CNTN4: variants seen among roughly 807,000 people sequenced by gnomAD.
CNTN4 encodes contactin-4.
Under a neutral mutation model 122.5 loss-of-function variants are expected in CNTN4, and 77 were observed. The observed-to-expected ratio is 0.63, with a 90% confidence interval of 0.52 to 0.76. CNTN4 has a LOEUF of 0.76. Among genes scored for constraint, CNTN4 ranks in the 30% least tolerant of loss-of-function variants. The pLI is 0.00. For missense variants in CNTN4, 1,256 were observed against 1,259.1 expected (o/e 1.00, Z 0.04); for synonymous variants, 512 against 447.0 (o/e 1.15, Z -1.83).
chr3:2,779,249 G>T (rs1400196), intron 6 of CNTN4, among the ~76,000 whole-genome samples: 6 of 64,600 alleles, frequency 9.3e-5, no homozygotes, highest in East Asian at 5.1e-4. Context: ...TGTTTGTTTT[G>T]TTTGTTTGTT....
rs143114738 is a variant in CNTN4 at position 2,294,523 on chromosome 3, C to T, written c.-144-44655C>T. On this transcript the variant is annotated intron_variant, in intron 2 of 24. Coordinates refer to ENST00000418658, the MANE Select transcript of CNTN4 (RefSeq NM_175607.3). ...GCAGACACCTGTAATCCAAGCTACT[C>T]GACAGGCTGAGATGGGAGGATCGCT... Among the ~76,000 whole-genome samples the T allele has an allele frequency of 6.0e-4, 92 of 152,068 alleles. 1 individual carries two copies. In the South Asian group the frequency reaches 6.4e-3, roughly 11 times the overall value.
intron 3 of CNTN4, among the ~76,000 whole-genome samples, chr3:2,465,409 G>A (rs748733510): frequency 2.0e-5 from 3 of 152,128 alleles, no homozygotes; most frequent in Non-Finnish European, 4.4e-5. Context: ...GGGCGTGGTG[G>A]CTCACGCCTG....
intron 2 of CNTN4, among the ~76,000 whole-genome samples, chr3:2,252,872 T>A (rs931517401): frequency 2.0e-5 from 3 of 152,142 alleles, no homozygotes; most frequent in African/African-American, 7.2e-5. Flanking sequence ...TAATACTTCT[T>A]TGCTTTTTGG....
intron 4 of CNTN4, among the ~76,000 whole-genome samples, chr3:2,683,129 C>CAA (rs2085250468): frequency 6.6e-6 from 1 of 152,114 alleles, no homozygotes; most frequent in African/African-American, 2.4e-5. Context: ...CAGAGTGTCA[C>CAA]AAACTCTTTA....
At chr3:2,282,449 C>G (rs2041752261) in intron 2 of CNTN4, among the ~76,000 whole-genome samples, 1 of 152,048 alleles carries the variant, frequency 6.6e-6, no homozygotes, top group Non-Finnish European at 1.5e-5. Flanking sequence ...TTAACATGCT[C>G]TCCTTAGTTT....
At chr3:2,805,203 A>C (rs2092438018) in intron 6 of CNTN4, among the ~76,000 whole-genome samples, 1 of 152,068 alleles carries the variant, frequency 6.6e-6, no homozygotes, top group Non-Finnish European at 1.5e-5. Context: ...CAGTTGCTGC[A>C]CTGTGTAGCA....
intron 6 of CNTN4, among the ~76,000 whole-genome samples, chr3:2,762,717 A>G (rs6776020): frequency 0.24 from 36,559 of 152,048 alleles, 4,686 homozygotes; most frequent in East Asian, 0.38. Context: ...GGGTCGAATG[A>G]CATTTCCATC....
At chr3:2,267,432 G>T (rs1214552968) in intron 2 of CNTN4, among the ~76,000 whole-genome samples, 2 of 152,058 alleles carry the variant, frequency 1.3e-5, no homozygotes, top group Non-Finnish European at 2.9e-5. Context: ...AAGCAGGAGA[G>T]ATTCATTTGG....
chr3:2,729,702 C>G (rs902645593), intron 4 of CNTN4, among the ~76,000 whole-genome samples: 1 of 151,968 alleles, frequency 6.6e-6, no homozygotes, highest in Non-Finnish European at 1.5e-5. Context: ...ATCACAAGGT[C>G]AGGAGTTCGA....
chr3:2,512,493 A>G (rs1263894067), intron 3 of CNTN4, among the ~76,000 whole-genome samples: 1 of 152,230 alleles, frequency 6.6e-6, no homozygotes, highest in African/African-American at 2.4e-5. Context: ...AATATTGTTA[A>G]TAATGTTTGC....
At chr3:2,536,352 A>G (rs942057287) in intron 3 of CNTN4, among the ~76,000 whole-genome samples, 2 of 152,140 alleles carry the variant, frequency 1.3e-5, no homozygotes, top group African/African-American at 4.8e-5. Flanking sequence ...TAGAACTGAA[A>G]TCATCATTGT....
intron 4 of CNTN4, among the ~76,000 whole-genome samples, chr3:2,579,620 C>G (rs961289093): frequency 6.6e-6 from 1 of 151,974 alleles, no homozygotes; most frequent in African/African-American, 2.4e-5. Flanking sequence ...TGCATATATT[C>G]TTTGCACTTA....
In CNTN4 at chr3:3,037,271, G is replaced by T; in HGVS notation, c.2035G>T (p.Val679Leu). The T allele has an allele frequency of 6.2e-7, 1 of 1,614,186 alleles. No individual in the cohort carries two copies. The highest frequency in any genetic ancestry group is 8.5e-7 in the Non-Finnish European group (1 of 1,180,030). The change falls in exon 18 of 25, where the codon GTG becomes TTG. Residue 679 changes from valine (V) to leucine (L), a missense_variant. Transcript: ENST00000418658. ...EYEFRTVAAN[V>L]IGIGEPSRPS... The stretch of plus-strand genomic sequence containing the variant: ...TGAATTCCGCACAGTTGCAGCCAAC[G>T]TGATTGGGATTGGGGAGCCCAGCCG...
At chr3:2,735,146 T>C (rs1036505214) in intron 4 of CNTN4, among the ~76,000 whole-genome samples, 1 of 152,188 alleles carries the variant, frequency 6.6e-6, no homozygotes, top group Non-Finnish European at 1.5e-5. Flanking sequence ...CTATGTTAGG[T>C]GCACTTAGTA....
At chr3:2,590,935 CT>C (rs1400764684) in intron 4 of CNTN4, among the ~76,000 whole-genome samples, 1 of 152,014 alleles carries the variant, frequency 6.6e-6, no homozygotes, top group Non-Finnish European at 1.5e-5. Flanking sequence ...AAGGTATACA[CT>C]TTGATACATT....
intron 7 of CNTN4, among the ~76,000 whole-genome samples, chr3:2,860,210 C>T (rs1052524584): frequency 2.0e-5 from 3 of 152,166 alleles, no homozygotes; most frequent in Non-Finnish European, 2.9e-5. Flanking sequence ...ACTGCAAAGA[C>T]GGTGAAAAGC....
intron 3 of CNTN4, among the ~76,000 whole-genome samples, chr3:2,518,596 A>G (rs2077107099): frequency 6.6e-6 from 1 of 152,174 alleles, no homozygotes; most frequent in African/African-American, 2.4e-5. Context: ...AATGTTTGAT[A>G]ATCTCAGAGT....
At chr3:2,113,459 A>G (rs1367906922) in intron 2 of CNTN4, among the ~76,000 whole-genome samples, 1 of 152,212 alleles carries the variant, frequency 6.6e-6, no homozygotes, top group Non-Finnish European at 1.5e-5. Context: ...TTCCTCACGC[A>G]GATGCACTGT....
intron 7 of CNTN4, among the ~76,000 whole-genome samples, chr3:2,853,371 A>C (rs1222733578): frequency 1.3e-5 from 2 of 152,084 alleles, no homozygotes; most frequent in Non-Finnish European, 2.9e-5. Context: ...CAGCCTCCCA[A>C]GTAGCTGAGG....
Sources: gnomAD v4.1 joint callset for allele counts (sites outside exome capture counted in the v4.1 genomes callset) on GRCh38, gnomAD v4.1.1 for gene constraint, MANE v1.5 for transcripts, NCBI Gene and HGNC (gene_info 2026-07-23, HGNC 2026-07-21) for gene names.